The following ZNF182 variants were observed in gnomAD, a reference collection of about 807,000 sequenced individuals.
ZNF182 encodes zinc finger protein 182, also known as zinc finger protein 21 (KOX 14).
A neutral mutation model predicts 28.1 loss-of-function variants in ZNF182; 10 were observed. The observed-to-expected ratio is 0.36, with a 90% CI of 0.22 to 0.60. ZNF182 has a LOEUF of 0.60. ZNF182 is among the 20% of genes least tolerant of loss of function. The pLI is 0.75. For missense variants in ZNF182, 352 were observed against 453.2 expected (o/e 0.78, Z 2.03); for synonymous variants, 156 against 158.7 (o/e 0.98, Z 0.13).
chrX:47,988,231 C>T (rs1205540747), intron 3 of ZNF182, among the ~76,000 whole-genome samples: 3 of 110,449 alleles, frequency 2.7e-5, no homozygotes, highest in Non-Finnish European at 3.8e-5. Flanking sequence ...GTATGAGAAT[C>T]GCTTGAACTC....
At chrX:47,979,270 TAGCTA>T (rs1556898743) in intron 5 of ZNF182, among the ~76,000 whole-genome samples, 1 of 112,019 alleles carries the variant, frequency 8.9e-6, no homozygotes, top group East Asian at 2.8e-4. Flanking sequence ...TTTCTTTGGC[TAGCTA>T]AGCATTAGTT....
intron 5 of ZNF182, among the ~76,000 whole-genome samples, chrX:47,981,321 G>A (rs1159193380): frequency 8.9e-6 from 1 of 111,845 alleles, no homozygotes; most frequent in African/African-American, 3.3e-5. Flanking sequence ...AAAGACTCAG[G>A]AGCCAACTTG....
At chrX:47,980,693 A>C (rs782779131) in intron 5 of ZNF182, among the ~76,000 whole-genome samples, 1 of 111,878 alleles carries the variant, frequency 8.9e-6, no homozygotes, top group East Asian at 2.8e-4. Flanking sequence ...ATAAACCTTT[A>C]AATTTTAATA....
At chrX:47,992,619 G>A (rs1463501502) in intron 3 of ZNF182, among the ~76,000 whole-genome samples, 5 of 111,136 alleles carry the variant, frequency 4.5e-5, no homozygotes, top group African/African-American at 9.8e-5. Flanking sequence ...GTCCCCACTC[G>A]CTGGCTGAGC....
chrX:47,978,683 A>G (rs2058894476), intron 5 of ZNF182, among the ~76,000 whole-genome samples: 2 of 112,141 alleles, frequency 1.8e-5, no homozygotes, highest in Non-Finnish European at 3.8e-5. Context: ...TTCATGTTCC[A>G]TCACCCACAT....
intron 3 of ZNF182, chrX:47,988,596 G>T: frequency 2.1e-6 from 1 of 487,076 alleles, no homozygotes; most frequent in South Asian, 2.9e-5. Context: ...CTGGTGTCAT[G>T]CTTCTTGTAC....
intron 3 of ZNF182, among the ~76,000 whole-genome samples, chrX:47,997,255 G>T (rs1189486032): frequency 4.7e-5 from 5 of 106,295 alleles, no homozygotes; most frequent in African/African-American, 1.7e-4. Flanking sequence ...GGAGGTCAAG[G>T]CTGCAGTGAG....
At chrX:47,993,016 C>A (rs1556900637) in intron 3 of ZNF182, among the ~76,000 whole-genome samples, 1 of 112,929 alleles carries the variant, frequency 8.9e-6, no homozygotes. Flanking sequence ...GGTGCCCCAC[C>A]AGGATGGGGT....
At position 47,976,229 on chromosome X, in the gene ZNF182, G is replaced by A; in HGVS notation, c.1801C>T (p.His601Tyr). 8.4e-7 allele frequency: 1 copy of A among 1,184,264 alleles called. No homozygotes were observed. The highest frequency in any genetic ancestry group is 1.9e-5 in the South Asian group (1 of 51,372). ...KSNLIVHQRT[H>Y]AGKKAHGRGH... The stretch of plus-strand genomic sequence containing the variant: ...CTTCCATGGGCTTTCTTTCCTGCAT[G>A]GGTTCGCTGATGTACAATAAGGTTT... The change falls in exon 6 of 6, where the codon CAT (histidine) becomes TAT (tyrosine). Residue 601 changes from histidine (H) to tyrosine (Y), a missense_variant. Physicochemically the swap from His to Tyr is moderately conservative, Grantham distance 83 (BLOSUM62 2). Transcript: ENST00000376943.
intron 3 of ZNF182, among the ~76,000 whole-genome samples, chrX:47,987,152 A>C (rs7064617): frequency 0.024 from 2,723 of 111,919 alleles, 29 homozygotes; most frequent in Middle Eastern, 0.069. Context: ...AACTTAATAT[A>C]CATAATGATT....
At chrX:47,979,638 C>A (rs1215049898) in intron 5 of ZNF182, among the ~76,000 whole-genome samples, 1 of 111,657 alleles carries the variant, frequency 9.0e-6, no homozygotes, top group African/African-American at 3.3e-5. Flanking sequence ...ACCACTACTA[C>A]TATTACAACT....
At chrX:47,986,793 G>A (rs908256427) in intron 3 of ZNF182, among the ~76,000 whole-genome samples, 13 of 112,019 alleles carry the variant, frequency 1.2e-4, no homozygotes, top group South Asian at 3.7e-4. Context: ...AAGAAGGTAG[G>A]AGGAGCTGGC....
At position 48,002,621 on chromosome X, in the gene ZNF182, C is replaced by G; in HGVS notation, c.-12G>C. ...TGGGGTTTGGCCATTTCCTGCTCTTCTTGGGAAAAAGCAGAGATGTGTGAC... is the reference window on the plus strand; with the variant it reads ...TGGGGTTTGGCCATTTCCTGCTCTTGTTGGGAAAAAGCAGAGATGTGTGAC... On this transcript the variant is annotated 5_prime_UTR_variant, in exon 3 of 6. Transcript: ENST00000376943. The G allele has an allele frequency of 8.3e-7, 1 of 1,210,374 alleles. No homozygotes were observed. Among genetic ancestry groups the G allele is most frequent in the South Asian group, 1.8e-5 (1 of 56,486 alleles).
At position 47,976,182 on chromosome X, in the gene ZNF182, C is replaced by CTT; in HGVS notation, c.1846_1847dup (p.Phe617SerfsTer17). The stretch of plus-strand genomic sequence containing the variant: ...GATTAGCTCTCTAATGTGCCATGAA[C>CTT]TTTGACTTCCGAGTGTGGCCTCTTC... On this transcript the variant is annotated frameshift_variant, in exon 6 of 6. Transcript: ENST00000376943. LOFTEE classifies it high-confidence loss of function. 3 of 1,154,508 alleles carry CTT rather than the reference C, an allele frequency of 2.6e-6. No individual in the cohort carries two copies. The highest frequency in any genetic ancestry group is 3.4e-6 in the Non-Finnish European group (3 of 870,796).
rs1411760131 is a variant in ZNF182 at position 47,975,827 on chromosome X, C to T, written c.*340G>A. On this transcript the variant is annotated 3_prime_UTR_variant, in exon 6 of 6. Transcript: ENST00000376943. ...CTGTTATATCTATGGTTCCGCGCCT[C>T]GGGGTATATCCCGAACCTCAGCTAA... is the stretch of plus-strand genomic sequence containing the variant. 3.6e-5 allele frequency: 6 copies of T among 168,857 alleles called. No individual in the cohort carries two copies. The highest frequency in any genetic ancestry group is 1.5e-4 in the African/African-American group (5 of 32,880). 13.9% of individuals were successfully genotyped at this position (168,857 alleles called of 1,213,427 possible).
chrX:47,985,644 A>C (rs979654651), intron 3 of ZNF182, among the ~76,000 whole-genome samples: 9 of 111,348 alleles, frequency 8.1e-5, no homozygotes. Flanking sequence ...TCATTCTACC[A>C]AATTATTAAA....
intron 3 of ZNF182, 103 bp from the exon 4 acceptor site, chrX:47,983,514 C>G (rs184830327): frequency 3.0e-5 from 27 of 900,056 alleles, no homozygotes. Flanking sequence ...CATGATGACT[C>G]AATATTGGAT....
intron 3 of ZNF182, among the ~76,000 whole-genome samples, chrX:47,991,385 C>T (rs1220413601): frequency 8.9e-6 from 1 of 112,016 alleles, no homozygotes; most frequent in African/African-American, 3.3e-5. Context: ...GTTTAAACCA[C>T]CCAATCTCTG....
chrX:47,981,281 G>T, intron 5 of ZNF182, among the ~76,000 whole-genome samples: 1 of 111,943 alleles, frequency 8.9e-6, no homozygotes. Flanking sequence ...CCTGGGACAT[G>T]TTGTAACACC....
Sources: gnomAD v4.1 joint callset for allele counts (sites outside exome capture counted in the v4.1 genomes callset) on GRCh38, gnomAD v4.1.1 for gene constraint, MANE v1.5 for transcripts, NCBI Gene and HGNC (gene_info 2026-07-23, HGNC 2026-07-21) for gene names.